FAF1: variants seen among roughly 807,000 people sequenced by gnomAD.
FAF1 encodes FAS-associated factor 1.
In FAF1, 25 loss-of-function variants were observed where a neutral mutation model predicts 92.5. That is an observed-to-expected ratio of 0.27 (90% CI 0.20 to 0.38). FAF1 has a LOEUF of 0.38. Among genes scored for constraint, FAF1 ranks in the 10% least tolerant of loss-of-function variants. FAF1 has a pLI of 1.00. For synonymous variants in FAF1, 234 were observed against 273.2 expected, an observed-to-expected ratio of 0.86 and a Z score of 1.42; for missense variants, 636 against 793.3, an observed-to-expected ratio of 0.80 and a Z score of 2.38.
intron 1 of FAF1, among the ~76,000 whole-genome samples, chr1:50,900,803 C>T (rs571100589): frequency 3.3e-4 from 50 of 152,128 alleles, no homozygotes; most frequent in African/African-American, 1.1e-3. Context: ...TATTTATTCA[C>T]GTTCATCTTT....
chr1:50,809,542 T>C (rs1056781514), intron 2 of FAF1, among the ~76,000 whole-genome samples: 7 of 152,018 alleles, frequency 4.6e-5, no homozygotes, highest in Admixed American at 1.3e-4. Context: ...TCTGGAAACA[T>C]ACAACCTCCC....
chr1:50,708,394 G>A (rs1657779622), intron 6 of FAF1, among the ~76,000 whole-genome samples: 1 of 152,108 alleles, frequency 6.6e-6, no homozygotes. Flanking sequence ...AAGTAAATAA[G>A]AGAATGGAAT....
intron 8 of FAF1, among the ~76,000 whole-genome samples, chr1:50,610,605 A>G (rs1652641513): frequency 6.6e-6 from 1 of 152,234 alleles, no homozygotes; most frequent in Non-Finnish European, 1.5e-5. Flanking sequence ...TGCTCAGGTT[A>G]TAAAAGCATC....
At chr1:50,627,215 G>A (rs950791449) in intron 8 of FAF1, among the ~76,000 whole-genome samples, 2 of 152,096 alleles carry the variant, frequency 1.3e-5, no homozygotes, top group Non-Finnish European at 2.9e-5. Flanking sequence ...AGAATACCTA[G>A]GAAGAAGATA....
chr1:50,807,488 G>A (rs575900037), intron 2 of FAF1, among the ~76,000 whole-genome samples: 3 of 152,292 alleles, frequency 2.0e-5, no homozygotes, highest in Non-Finnish European at 2.9e-5. Context: ...CAGATCTCAT[G>A]AGAACTCATT....
intron 1 of FAF1, among the ~76,000 whole-genome samples, chr1:50,887,547 T>C (rs1456219757): frequency 1.3e-5 from 2 of 152,248 alleles, no homozygotes; most frequent in East Asian, 3.8e-4. Flanking sequence ...TTTGAATTAA[T>C]TTTTGTAGAA....
intron 18 of FAF1, among the ~76,000 whole-genome samples, chr1:50,462,784 CT>C (rs1221205598): frequency 1.3e-5 from 2 of 152,158 alleles, no homozygotes; most frequent in Non-Finnish European, 1.5e-5. Context: ...TCTTCTGAGA[CT>C]ACTTTTATAC....
intron 2 of FAF1, among the ~76,000 whole-genome samples, chr1:50,837,086 T>C (rs1056454998): frequency 1.3e-5 from 2 of 150,754 alleles, no homozygotes; most frequent in African/African-American, 4.9e-5. Flanking sequence ...GCCTCCCGAG[T>C]AGCTGGGACT....
intron 1 of FAF1, among the ~76,000 whole-genome samples, chr1:50,880,383 T>C (rs72692206): frequency 0.014 from 2,095 of 152,342 alleles, 23 homozygotes; most frequent in Middle Eastern, 0.02. Context: ...TGCATGTTTA[T>C]GCCCCTCCTC....
Position 50,825,367 on chromosome 1 carries a change from T to C in FAF1, c.115-23690A>G, listed in dbSNP as rs1644086854. Among the ~76,000 whole-genome samples the C allele has an allele frequency of 6.6e-5, 10 of 152,148 alleles. No homozygotes were observed. In the South Asian group the frequency reaches 2.1e-3, roughly 32 times the overall value. ...AATATCATGAAAATACTAACAAAAG[T>C]TTTGTATCTACTAACTATGCAACAA... On this transcript the variant is annotated intron_variant, in intron 2 of 18. Coordinates refer to ENST00000396153, the MANE Select transcript of FAF1 (RefSeq NM_007051.3).
intron 7 of FAF1, among the ~76,000 whole-genome samples, chr1:50,659,843 T>A (rs961645549): frequency 1.3e-5 from 2 of 152,228 alleles, no homozygotes; most frequent in African/African-American, 2.4e-5. Context: ...TCGTTTCAGA[T>A]AAGACAATCG....
chr1:50,819,333 T>C (rs1323662546), intron 2 of FAF1, among the ~76,000 whole-genome samples: 1 of 151,964 alleles, frequency 6.6e-6, no homozygotes. Context: ...TTTTACTATA[T>C]GTAAATTGCA....
At chr1:50,894,257 C>T (rs980798501) in intron 1 of FAF1, among the ~76,000 whole-genome samples, 2 of 145,366 alleles carry the variant, frequency 1.4e-5, no homozygotes, top group African/African-American at 2.6e-5. Context: ...CAAGATCACA[C>T]GACTGCACTC....
chr1:50,746,935 G>A (rs1188174871), intron 4 of FAF1, among the ~76,000 whole-genome samples: 1 of 152,170 alleles, frequency 6.6e-6, no homozygotes, highest in Non-Finnish European at 1.5e-5. Context: ...AAAGGAACCT[G>A]GGTACTGTTT....
intron 8 of FAF1, among the ~76,000 whole-genome samples, chr1:50,607,604 G>C (rs1302968835): frequency 1.3e-5 from 2 of 152,034 alleles, no homozygotes; most frequent in African/African-American, 2.4e-5. Flanking sequence ...TTTTCCATCT[G>C]TCTATTTCTT....
intron 2 of FAF1, among the ~76,000 whole-genome samples, chr1:50,837,465 C>A (rs1341842816): frequency 2.6e-5 from 4 of 152,132 alleles, no homozygotes; most frequent in Non-Finnish European, 4.4e-5. Flanking sequence ...TGATTAGATT[C>A]AGTTAAATAT....
chr1:50,561,296 A>G (rs1649887973), intron 13 of FAF1, among the ~76,000 whole-genome samples: 1 of 152,192 alleles, frequency 6.6e-6, no homozygotes, highest in Non-Finnish European at 1.5e-5. Context: ...CTGGGACCCT[A>G]CAATGCCAGC....
intron 12 of FAF1, among the ~76,000 whole-genome samples, chr1:50,570,343 C>T (rs1456656271): frequency 6.6e-6 from 1 of 152,200 alleles, no homozygotes; most frequent in Non-Finnish European, 1.5e-5. Flanking sequence ...GAAAAACCCA[C>T]ATTGACCTCT....
intron 15 of FAF1, among the ~76,000 whole-genome samples, chr1:50,534,223 A>G (rs921253379): frequency 2.0e-5 from 3 of 152,088 alleles, no homozygotes; most frequent in Non-Finnish European, 4.4e-5. Context: ...ACCCTCTCCT[A>G]GGCTTTCAGG....
Sources: gnomAD v4.1 joint callset for allele counts (sites outside exome capture counted in the v4.1 genomes callset) on GRCh38, gnomAD v4.1.1 for gene constraint, MANE v1.5 for transcripts, NCBI Gene and HGNC (gene_info 2026-07-23, HGNC 2026-07-21) for gene names.